Variants in CDAN1 observed in about 807,000 individuals in gnomAD.
The protein encoded by CDAN1 is codanin 1.
Under a neutral mutation model 139.8 loss-of-function variants are expected in CDAN1, and 107 were observed. The ratio of observed to expected loss-of-function variants is 0.77; its 90% CI spans 0.65 to 0.90. CDAN1 has a LOEUF of 0.90. Ranked by LOEUF, CDAN1 falls within the 40% of genes least tolerant of loss-of-function variation. The pLI is 0.00. For missense variants in CDAN1, 1,667 were observed against 1,575.7 expected, an observed-to-expected ratio of 1.06 and a Z score of -0.98; for synonymous variants, 776 against 660.6, an observed-to-expected ratio of 1.17 and a Z score of -2.68.
intron 6 of CDAN1, among the ~76,000 whole-genome samples, chr15:42,734,615 CTTTTTT>C (rs899976002): frequency 6.6e-6 from 1 of 151,218 alleles, no homozygotes; most frequent in Non-Finnish European, 1.5e-5. Context: ...ATTTCTTTTT[CTTTTTT>C]TTTGAGATGG....
chr15:42,726,232 A>G, intron 24 of CDAN1, 72 bp from the exon 25 acceptor site: 1 of 1,599,284 alleles, frequency 6.3e-7, no homozygotes, highest in African/African-American at 1.3e-5. Context: ...ACTGGCCCTG[A>G]GCCAGTGTGG....
intron 27 of CDAN1, 151 bp from the exon 28 acceptor site, chr15:42,724,767 TTAGTACTC>T (rs1271644000): frequency 9.7e-6 from 10 of 1,032,722 alleles, no homozygotes; most frequent in Non-Finnish European, 1.4e-5. Flanking sequence ...TGTCTGTTTG[TTAGTACTC>T]TGGGAGGCTG....
chr15:42,727,721 GC>G lies in CDAN1; in HGVS notation c.2995del (p.Ala999ProfsTer33). The G allele has an allele frequency of 6.3e-7, 1 of 1,585,944 alleles. No individual in the cohort carries two copies. Among genetic ancestry groups the G allele is most frequent in the Non-Finnish European group, 8.6e-7 (1 of 1,162,274 alleles). On this transcript the variant is annotated frameshift_variant, in exon 23 of 28. Coordinates refer to ENST00000356231, the MANE Select transcript of CDAN1 (RefSeq NM_138477.4). LOFTEE classifies it high-confidence loss of function. ...VKAAVSRTLR[A>X]QGPEPAARGE... ...CCGGGCAGCAGGTTCAGGACCCTGG[GC>G]TCGAAGTGTGCGACTCACTGCTGCT... is the stretch of plus-strand genomic sequence containing the variant.
At chr15:42,728,620 G>T in intron 20 of CDAN1, 32 bp downstream of exon 20, 1 of 1,613,018 alleles carries the variant, frequency 6.2e-7, no homozygotes, top group African/African-American at 1.3e-5. Context: ...AAGCCAAGAG[G>T]AGAGTGGATC....
At chr15:42,733,876 A>T in intron 8 of CDAN1, 62 bp downstream of exon 8, 2 of 1,236,982 alleles carry the variant, frequency 1.6e-6, no homozygotes, top group Non-Finnish European at 2.4e-6. Context: ...GAAACCAAAC[A>T]GCTGCCTATT....
chr15:42,730,997 G>A lies in CDAN1; in HGVS notation c.1935C>T (p.Phe645=). ...LLAKFLGFVA[F]LPYRGPEPPP... is the part of the protein sequence containing the mutation. ...GAGGTTCAGGCCCCCGGTATGGCAG[G>A]AAAGCCACAAAGCCCAGGAATTTAG... is the stretch of plus-strand genomic sequence containing the variant. The change falls in exon 13 of 28, where the codon TTC becomes TTT. Residue 645 remains phenylalanine (F), a synonymous_variant. Coordinates refer to ENST00000356231, the MANE Select transcript of CDAN1 (RefSeq NM_138477.4). 1 of 1,614,158 alleles carries A rather than the reference G, an allele frequency of 6.2e-7. No homozygotes were observed. Among genetic ancestry groups the A allele is most frequent in the South Asian group, 1.1e-5 (1 of 91,082 alleles).
Position 42,731,661 on chromosome 15 carries a change from G to A in CDAN1, c.1698C>T (p.Gly566=). Residue 566 remains glycine, a synonymous_variant, in exon 11 of 28, where the codon GGC becomes GGT. Coordinates refer to ENST00000356231, the MANE Select transcript of CDAN1 (RefSeq NM_138477.4). ...GGPCPPPTFP[G]CQGFFRDFIL... is the part of the protein sequence containing the mutation. Reference sequence around the variant, plus strand: ...TGAAGTCCCTAAAGAAGCCTTGACAGCCTGGGAAGGTGGGGGGTGGGCAGG... The same window carrying A: ...TGAAGTCCCTAAAGAAGCCTTGACAACCTGGGAAGGTGGGGGGTGGGCAGG... The A allele has an allele frequency of 6.2e-7, 1 of 1,614,174 alleles. No homozygotes were observed. The highest frequency in any genetic ancestry group is 8.5e-7 in the Non-Finnish European group (1 of 1,180,024).
At chr15:42,725,949 C>T (rs1267472966) in intron 25 of CDAN1, 148 bp downstream of exon 25, 1 of 756,944 alleles carries the variant, frequency 1.3e-6, no homozygotes, top group Non-Finnish European at 2.1e-6. Context: ...GCACTCCAGC[C>T]TGGGCAACAG....
In CDAN1 at chr15:42,725,473, G is replaced by C. The variant is rs545485024; in HGVS notation, c.3450+16C>G. 1.4e-5 allele frequency: 23 copies of C among 1,614,088 alleles called. No individual in the cohort carries two copies. Among genetic ancestry groups the C allele is most frequent in the Non-Finnish European group, 1.8e-5 (21 of 1,179,964 alleles). On this transcript the variant is annotated intron_variant, in intron 26 of 27. Transcript: ENST00000356231. Reference sequence around the variant, plus strand: ...AGAGTGTGACTGCAGAGGGCTTCTTGTTCCGTCTGACTCACCTCCCTTGGC... The same window carrying C: ...AGAGTGTGACTGCAGAGGGCTTCTTCTTCCGTCTGACTCACCTCCCTTGGC...
intron 10 of CDAN1, 28 bp from the exon 11 acceptor site, chr15:42,731,853 T>TA (rs781377309): frequency 3.0e-5 from 48 of 1,609,208 alleles, no homozygotes; most frequent in Non-Finnish European, 3.9e-5. Flanking sequence ...GGAGAGAAAT[T>TA]AAAAAAATCA....
Position 42,725,124 on chromosome 15 carries a change from A to G in CDAN1, c.3558+20T>C, listed in dbSNP as rs1022275586. 7.6e-6 allele frequency: 12 copies of G among 1,581,686 alleles called. No individual in the cohort carries two copies. The highest frequency in any genetic ancestry group is 9.6e-6 in the Non-Finnish European group (11 of 1,150,688). On this transcript the variant is annotated intron_variant, in intron 27 of 27. Transcript: ENST00000356231. ...GTAACACCTGTTCTCTCTCCACCTA[A>G]AAGACAGGAGACTCCTTACCCCTGG...
intron 26 of CDAN1, 97 bp downstream of exon 26, chr15:42,725,392 G>C: frequency 6.6e-7 from 1 of 1,521,366 alleles, no homozygotes; most frequent in Non-Finnish European, 9.1e-7. Flanking sequence ...GGAACAGGAA[G>C]GGGAAATAAA....
Position 42,729,093 on chromosome 15 carries a change from G to A in CDAN1, c.2575C>T (p.Pro859Ser). The change falls in exon 19 of 28, where the codon CCG becomes TCG. Residue 859 changes from proline (P) to serine (S), a missense_variant. Around this residue, in one of 3 missense-constraint regions of CDAN1, gnomAD observed 936 missense variants for 844.1 expected, o/e 1.11. Transcript: ENST00000356231. ...TCTACGGTCCGGCGCAAGGAGGGCG[G>A]CTGGTTGTGGAAAAAGGCCTGGGCG... Reference protein sequence around the residue: ...QLAQAFFHNQPPSLRRTVEFV... With the variant: ...QLAQAFFHNQSPSLRRTVEFV... The A allele has an allele frequency of 6.2e-7, 1 of 1,614,220 alleles. No individual in the cohort carries two copies. The highest frequency in any genetic ancestry group is 8.5e-7 in the Non-Finnish European group (1 of 1,180,042).
chr15:42,730,493 C>A, intron 14 of CDAN1, 105 bp downstream of exon 14: 5 of 1,346,478 alleles, frequency 3.7e-6, no homozygotes, highest in Non-Finnish European at 5.2e-6. Context: ...GGCCAGGGCC[C>A]CACACGCACA....
In CDAN1 at chr15:42,729,602, G is replaced by C; in HGVS notation, c.2373C>G (p.Asp791Glu). ...EHGLDNAPVV[D>E]QQLLYTCCPY... The stretch of plus-strand genomic sequence containing the variant: ...GGCAGCAGGTGTAGAGCAGCTGCTG[G>C]TCCACCACAGGCGCATTGTCCTGGG... Residue 791 changes from aspartate (D) to glutamate (E), a missense_variant, in exon 17 of 28, where the codon GAC becomes GAG. Around this residue, in one of 3 missense-constraint regions of CDAN1, gnomAD observed 936 missense variants for 844.1 expected, o/e 1.11. Coordinates refer to ENST00000356231, the MANE Select transcript of CDAN1 (RefSeq NM_138477.4). 2 of 1,614,024 alleles carry C rather than the reference G, an allele frequency of 1.2e-6. No homozygotes were observed. The highest frequency in any genetic ancestry group is 1.1e-5 in the South Asian group (1 of 91,058).
At chr15:42,735,040 G>T in intron 6 of CDAN1, 60 bp downstream of exon 6, 2 of 1,184,900 alleles carry the variant, frequency 1.7e-6, no homozygotes, top group Non-Finnish European at 2.5e-6. Flanking sequence ...ATCCCAAGCA[G>T]CCAGAGAGCT....
rs755653124 is a variant in CDAN1 at position 42,727,696 on chromosome 15, C to A, written c.3021G>T (p.Arg1007=). The change falls in exon 23 of 28, where the codon CGG becomes CGT. Residue 1007 remains arginine, a synonymous_variant. Coordinates refer to ENST00000356231, the MANE Select transcript of CDAN1 (RefSeq NM_138477.4). ...LRAQGPEPAA[R]GERRGCSRAC... is the part of the protein sequence containing the mutation. ...CGCGGGAGCAGCCCCTCCGCTCCCC[C>A]CGGGCAGCAGGTTCAGGACCCTGGG... The A allele has an allele frequency of 1.9e-6, 3 of 1,585,426 alleles. No individual in the cohort carries two copies. Among genetic ancestry groups the A allele is most frequent in the African/African-American group, 1.3e-5 (1 of 74,284 alleles).
intron 26 of CDAN1, 86 bp downstream of exon 26, chr15:42,725,403 G>T: frequency 6.5e-7 from 1 of 1,546,752 alleles, no homozygotes; most frequent in Non-Finnish European, 8.9e-7. Context: ...GGGAAATAAA[G>T]GATGCAGAGC....
At chr15:42,735,463 TA>T (rs2061674922) in intron 4 of CDAN1, 46 bp downstream of exon 4, 2 of 1,609,762 alleles carry the variant, frequency 1.2e-6, no homozygotes, top group Non-Finnish European at 1.7e-6. Flanking sequence ...CTCTTACCCA[TA>T]AGTTCTACAA....
Sources: allele counts gnomAD v4.1 joint callset (sites outside exome capture counted in the v4.1 genomes callset), GRCh38; gene constraint gnomAD v4.1.1; regional missense constraint gnomAD v4.1.1; transcripts MANE v1.5; gene names NCBI Gene and HGNC (gene_info 2026-07-23, HGNC 2026-07-21).